KIF15: variants seen among roughly 807,000 people sequenced by gnomAD.
The protein encoded by KIF15 is kinesin family member 15.
KIF15 carries 140 observed loss-of-function variants against 190.6 expected under a neutral mutation model. The ratio of observed to expected loss-of-function variants is 0.73; its 90% CI spans 0.64 to 0.84. The LOEUF (loss-of-function observed/expected upper bound fraction) is 0.84, where lower values mean the gene tolerates loss of function less well. Ranked by LOEUF, KIF15 falls within the 40% of genes least tolerant of loss-of-function variation. The pLI is 0.00. For synonymous variants in KIF15, 528 were observed against 551.3 expected, an observed-to-expected ratio of 0.96 and a Z score of 0.59; for missense variants, 1,372 against 1,584.4, an observed-to-expected ratio of 0.87 and a Z score of 2.28.
rs930061193 is a variant in KIF15, at chr3:44,820,893, G to A, written c.2550-5146G>A. Among the ~76,000 whole-genome samples, 108 of 152,204 alleles carry A rather than the reference G, an allele frequency of 7.1e-4. 3 individuals are homozygous for A. Among genetic ancestry groups the A allele is most frequent in the Admixed American group, 9.2e-4 (14 of 15,288 alleles). Reference sequence around the variant, plus strand: ...CACCTCCCAGACGGGGTGGTGGCCGGGCAGAGGGGCTCCTCACCTCCCAGT... The same window carrying A: ...CACCTCCCAGACGGGGTGGTGGCCGAGCAGAGGGGCTCCTCACCTCCCAGT... On this transcript the variant is annotated intron_variant, in intron 20 of 34. Coordinates refer to ENST00000326047, the MANE Select transcript of KIF15 (RefSeq NM_020242.3).
chr3:44,796,929 T>TC (rs1559541550), intron 8 of KIF15, among the ~76,000 whole-genome samples: 1 of 152,186 alleles, frequency 6.6e-6, no homozygotes, highest in African/African-American at 2.4e-5. Context: ...AGCTTTTTTT[T>TC]CCCTATTTTT....
intron 21 of KIF15, 32 bp from the exon 22 acceptor site, chr3:44,826,343 A>G: frequency 6.3e-7 from 1 of 1,593,926 alleles, no homozygotes; most frequent in Non-Finnish European, 8.6e-7. Context: ...ATTGCTAGTA[A>G]CAGTTACTTA....
At chr3:44,791,465 A>G (rs1706693046) in intron 7 of KIF15, among the ~76,000 whole-genome samples, 1 of 152,154 alleles carries the variant, frequency 6.6e-6, no homozygotes. Flanking sequence ...TTTCATTTAC[A>G]TAGAACCAGT....
At chr3:44,781,989 AG>A (rs1706187387) in intron 5 of KIF15, among the ~76,000 whole-genome samples, 1 of 151,848 alleles carries the variant, frequency 6.6e-6, no homozygotes, top group Non-Finnish European at 1.5e-5. Context: ...GACTTACTTA[AG>A]GTTTTTTTTT....
chr3:44,827,221 G>A (rs983572727), intron 22 of KIF15: 18 of 454,510 alleles, frequency 4.0e-5, no homozygotes, highest in Non-Finnish European at 6.6e-5. Context: ...TATGATATAT[G>A]TTATATTTAG....
rs758644648 is a variant in KIF15, at chr3:44,786,433, T to C, written c.498T>C (p.Phe166=). 1 of 1,611,268 alleles carries C rather than the reference T, an allele frequency of 6.2e-7. No homozygotes were observed. The highest frequency in any genetic ancestry group is 1.7e-5 in the Admixed American group (1 of 59,958). ...AGAGTTTCCTTTGTAAGTGTTCCTT[T>C]ATTGAAATCTACAACGAGCAGATAT... ...AGKSFLCKCS[F]IEIYNEQIYD... Residue 166 remains phenylalanine, a synonymous_variant, in exon 7 of 35, where the codon TTT becomes TTC. Coordinates refer to ENST00000326047, the MANE Select transcript of KIF15 (RefSeq NM_020242.3).
chr3:44,794,734 G>A (rs1453157116), intron 8 of KIF15, among the ~76,000 whole-genome samples: 2 of 152,162 alleles, frequency 1.3e-5, no homozygotes, highest in Non-Finnish European at 2.9e-5. Flanking sequence ...AGCTGAGGCA[G>A]GTAGATCACG....
chr3:44,803,996 C>T (rs1360472300), intron 14 of KIF15, among the ~76,000 whole-genome samples: 2 of 152,042 alleles, frequency 1.3e-5, no homozygotes, highest in Non-Finnish European at 2.9e-5. Flanking sequence ...TACAGTCACA[C>T]ACCACCACAC....
intron 32 of KIF15, among the ~76,000 whole-genome samples, chr3:44,849,286 A>G (rs2125729611): frequency 6.6e-6 from 1 of 152,338 alleles, no homozygotes; most frequent in South Asian, 2.1e-4. Context: ...AAATTGTTAC[A>G]AAGAATAGAC....
At position 44,800,350 on chromosome 3, in the gene KIF15, C is replaced by T; in HGVS notation, c.1135C>T (p.Gln379Ter). ...TGAAGACACCCAAGGAAATGTGAGC[C>T]AGCTCCAAGCTGAAGTGAAGAGGCT... ...VNEDTQGNVS[Q>*]LQAEVKRLKE... is the part of the protein sequence containing the mutation. The change falls in exon 11 of 35, where the codon CAG becomes TAG. Residue 379 changes from glutamine to a stop codon, truncating the protein, a stop_gained. Transcript: ENST00000326047. LOFTEE classifies it high-confidence loss of function. 1.9e-6 allele frequency: 3 copies of T among 1,614,080 alleles called. No individual in the cohort carries two copies. The highest frequency in any genetic ancestry group is 2.5e-6 in the Non-Finnish European group (3 of 1,180,000).
chr3:44,812,163 T>A lies in KIF15; in HGVS notation c.2170-19T>A. On this transcript the variant is annotated intron_variant, in intron 17 of 34. Transcript: ENST00000326047. ...TTCCATTAAAATAAATTTTGATGAC[T>A]GAAGTTTTTGTGTTGCAGGAACAAA... is the stretch of plus-strand genomic sequence containing the variant. 1 of 1,557,066 alleles carries A rather than the reference T, an allele frequency of 6.4e-7. No individual in the cohort carries two copies. The highest frequency in any genetic ancestry group is 8.8e-7 in the Non-Finnish European group (1 of 1,134,780).
intron 8 of KIF15, 137 bp from the exon 9 acceptor site, chr3:44,797,414 A>G (rs1707041047): frequency 1.3e-6 from 1 of 777,338 alleles, no homozygotes; most frequent in Non-Finnish European, 2.1e-6. Context: ...TTATTTGTTG[A>G]ATAGTTGTTC....
chr3:44,842,010 T>C (rs1029272239), intron 29 of KIF15, among the ~76,000 whole-genome samples: 6 of 152,232 alleles, frequency 3.9e-5, no homozygotes, highest in African/African-American at 1.2e-4. Flanking sequence ...CCTCACCTCA[T>C]GGTGCTATCT....
chr3:44,810,391 A>C (rs753890455), intron 16 of KIF15, among the ~76,000 whole-genome samples: 1 of 152,050 alleles, frequency 6.6e-6, no homozygotes, highest in Non-Finnish European at 1.5e-5. Context: ...AGCTGGGACT[A>C]CAGGCCTGGG....
chr3:44,864,291 T>C (rs1456128154), intron 6 of KIF15: 1 of 1,614,226 alleles, frequency 6.2e-7, no homozygotes, highest in Non-Finnish European at 8.5e-7. Flanking sequence ...AGTTTCTCCA[T>C]GTCTTCAGCC....
intron 30 of KIF15, among the ~76,000 whole-genome samples, chr3:44,847,485 C>T (rs772736820): frequency 2.0e-5 from 3 of 152,064 alleles, no homozygotes; most frequent in Non-Finnish European, 4.4e-5. Context: ...TCCACATACA[C>T]GGAAAGGCAG....
chr3:44,836,698 C>T (rs1698339373), intron 26 of KIF15, among the ~76,000 whole-genome samples: 2 of 152,152 alleles, frequency 1.3e-5, no homozygotes. Context: ...AGGAGTTCAG[C>T]CTAGGTCTGG....
chr3:44,830,858 A>G (rs1432461656), intron 25 of KIF15, 38 bp from the exon 26 acceptor site: 1 of 1,589,266 alleles, frequency 6.3e-7, no homozygotes. Flanking sequence ...GAAACAGGAA[A>G]TAAAATGGCT....
At chr3:44,827,647 T>C (rs1365684795) in intron 23 of KIF15, 119 bp downstream of exon 23, 3 of 566,956 alleles carry the variant, frequency 5.3e-6, no homozygotes, top group Non-Finnish European at 9.3e-6. Context: ...AAGAAAGAAA[T>C]GGAATTTGGG....
Sources: gnomAD v4.1 joint callset for allele counts (sites outside exome capture counted in the v4.1 genomes callset) on GRCh38, gnomAD v4.1.1 for gene constraint, MANE v1.5 for transcripts, NCBI Gene and HGNC (gene_info 2026-07-23, HGNC 2026-07-21) for gene names.